The following GAS2 variants were observed in gnomAD, a reference collection of about 807,000 sequenced individuals.
GAS2 encodes growth arrest specific 2, also known as growth arrest-specific protein 2.
GAS2 carries 20 observed loss-of-function variants against 37.5 expected under a neutral mutation model. That is an observed-to-expected ratio of 0.53 (90% CI 0.37 to 0.77). GAS2 has a LOEUF of 0.77. GAS2 is among the 30% of genes least tolerant of loss of function. The probability of loss-of-function intolerance (pLI) is 0.00; values close to 1 mark genes in which losing one functional copy is unlikely to be tolerated. For synonymous variants in GAS2, 144 were observed against 132.2 expected (o/e 1.09, Z -0.61); for missense variants, 336 against 373.4 (o/e 0.90, Z 0.82).
intron 3 of GAS2, among the ~76,000 whole-genome samples, chr11:22,710,210 C>CT (rs766387317): frequency 3.9e-5 from 6 of 151,922 alleles, no homozygotes; most frequent in Non-Finnish European, 7.4e-5. Context: ...ACAAAAACAA[C>CT]TTTTTTTCCC....
Position 22,691,900 on chromosome 11 carries a change from C to G in GAS2, c.267+6111C>G, listed in dbSNP as rs575924660. Among the ~76,000 whole-genome samples, 8 of 152,222 alleles carry G rather than the reference C, an allele frequency of 5.3e-5. No individual in the cohort carries two copies. The South Asian group carries it at 1.5e-3, about 28-fold the overall frequency. ...CCCCCTGTCACTATTTTTTAAGTCT[C>G]TGACCAAATAGCCAAATTATTCACC... is the stretch of plus-strand genomic sequence containing the variant. On this transcript the variant is annotated intron_variant, in intron 3 of 7. Transcript: ENST00000454584.
At chr11:22,756,462 A>C (rs1854047637) in intron 7 of GAS2, among the ~76,000 whole-genome samples, 1 of 152,138 alleles carries the variant, frequency 6.6e-6, no homozygotes, top group Non-Finnish European at 1.5e-5. Context: ...AAAAAGTTAA[A>C]AAATATCCTG....
chr11:22,771,736 C>G (rs937406673), intron 7 of GAS2, among the ~76,000 whole-genome samples: 1 of 152,122 alleles, frequency 6.6e-6, no homozygotes, highest in Non-Finnish European at 1.5e-5. Context: ...ATGAACATAT[C>G]TTGAAACTAC....
chr11:22,703,431 G>A (rs1271850021), intron 3 of GAS2, among the ~76,000 whole-genome samples: 3 of 152,168 alleles, frequency 2.0e-5, no homozygotes, highest in African/African-American at 7.2e-5. Flanking sequence ...ATTTTAAAAT[G>A]AGCTGTTACT....
At chr11:22,651,570 T>C (rs1338800739) in intron 1 of GAS2, among the ~76,000 whole-genome samples, 2 of 151,870 alleles carry the variant, frequency 1.3e-5, no homozygotes, top group Non-Finnish European at 2.9e-5. Flanking sequence ...CAGACATAGA[T>C]TTGGTCTTTC....
chr11:22,792,609 C>T (rs1360297075), intron 7 of GAS2, among the ~76,000 whole-genome samples: 2 of 152,138 alleles, frequency 1.3e-5, no homozygotes, highest in Non-Finnish European at 2.9e-5. Flanking sequence ...TTTCAGCAGG[C>T]AGTTTGTAGT....
chr11:22,760,905 G>A (rs1387136152), intron 7 of GAS2, among the ~76,000 whole-genome samples: 2 of 152,168 alleles, frequency 1.3e-5, no homozygotes, highest in Non-Finnish European at 2.9e-5. Context: ...TTAATTAGCA[G>A]ACTGCTCATT....
At chr11:22,745,386 G>A (rs1305152885) in intron 5 of GAS2, among the ~76,000 whole-genome samples, 1 of 152,046 alleles carries the variant, frequency 6.6e-6, no homozygotes, top group African/African-American at 2.4e-5. Flanking sequence ...TCAATAAATG[G>A]TGCTGGGATA....
intron 7 of GAS2, among the ~76,000 whole-genome samples, chr11:22,784,228 C>A (rs1855717261): frequency 6.6e-6 from 1 of 152,064 alleles, no homozygotes; most frequent in South Asian, 2.1e-4. Context: ...GGAAGCAGTG[C>A]TGAATGAAGT....
intron 7 of GAS2, among the ~76,000 whole-genome samples, chr11:22,785,381 T>C (rs1855772650): frequency 2.0e-5 from 3 of 152,174 alleles, no homozygotes; most frequent in Non-Finnish European, 4.4e-5. Context: ...ATTGTCCTCA[T>C]TGGAAACTGC....
chr11:22,656,835 C>G lies in GAS2; in HGVS notation c.-20-18015C>G, dbSNP rs1161335008. On this transcript the variant is annotated intron_variant, in intron 1 of 5. Transcript: ENST00000528582. ...GAGGCGTACTTATAGCACTTACATG[C>G]TTTCATACTCTATGCTGAATATTTT... 1.3e-5 allele frequency among the ~76,000 whole-genome samples: 2 copies of G among 152,130 alleles called. 1 individual carries two copies. The highest frequency in any genetic ancestry group is 4.1e-4 in the South Asian group (2 of 4,820).
At chr11:22,755,313 G>C (rs1285887623) in intron 6 of GAS2, among the ~76,000 whole-genome samples, 1 of 151,922 alleles carries the variant, frequency 6.6e-6, no homozygotes, top group African/African-American at 2.4e-5. Context: ...GTATATGAGA[G>C]ATTAATTCTT....
chr11:22,714,013 A>G (rs1414076351), intron 3 of GAS2, among the ~76,000 whole-genome samples: 1 of 152,182 alleles, frequency 6.6e-6, no homozygotes, highest in Non-Finnish European at 1.5e-5. Context: ...GATGAATAGA[A>G]CACTACTATG....
intron 7 of GAS2, among the ~76,000 whole-genome samples, chr11:22,810,658 A>G (rs1000948459): frequency 6.6e-6 from 1 of 152,204 alleles, no homozygotes; most frequent in Non-Finnish European, 1.5e-5. Context: ...TGTCAACCAC[A>G]TAAATGAAGT....
At chr11:22,701,824 G>A (rs1393370019) in intron 3 of GAS2, among the ~76,000 whole-genome samples, 2 of 152,224 alleles carry the variant, frequency 1.3e-5, no homozygotes, top group Middle Eastern at 6.8e-3. Flanking sequence ...GTGAGACTCT[G>A]TCTCAAACAA....
At chr11:22,631,978 G>C (rs1178709470) in intron 1 of GAS2, among the ~76,000 whole-genome samples, 4 of 67,556 alleles carry the variant, frequency 5.9e-5, no homozygotes, top group South Asian at 8.9e-4. Context: ...GACAAATTTT[G>C]TATTACTGAT....
chr11:22,726,511 G>A (rs1852226351), intron 4 of GAS2, 78 bp downstream of exon 4: 8 of 1,297,340 alleles, frequency 6.2e-6, no homozygotes, highest in Non-Finnish European at 8.7e-6. Flanking sequence ...CCATCAAAAA[G>A]TTTTTTGTAT....
chr11:22,751,913 A>G (rs1002935696), intron 6 of GAS2, among the ~76,000 whole-genome samples: 2 of 152,064 alleles, frequency 1.3e-5, no homozygotes, highest in Admixed American at 6.6e-5. Flanking sequence ...GTATGCTCTC[A>G]GTTGAGAACA....
chr11:22,674,705 C>A (rs1423259388), intron 1 of GAS2, 145 bp from the exon 2 acceptor site: 6 of 571,072 alleles, frequency 1.1e-5, no homozygotes, highest in Non-Finnish European at 1.7e-5. Context: ...ACAGATAAAG[C>A]AAATAGTGTT....
Sources: allele counts gnomAD v4.1 joint callset (sites outside exome capture counted in the v4.1 genomes callset), GRCh38; gene constraint gnomAD v4.1.1; transcripts MANE v1.5; gene names NCBI Gene and HGNC (gene_info 2026-07-23, HGNC 2026-07-21).